The following MYH13 variants were observed in gnomAD, a reference collection of about 807,000 sequenced individuals.
MYH13 encodes myosin-13.
Under a neutral mutation model 232.1 loss-of-function variants are expected in MYH13, and 177 were observed. That is an observed-to-expected ratio of 0.76 (90% confidence interval 0.67 to 0.86). The LOEUF is 0.86. Among genes scored for constraint, MYH13 ranks in the 40% least tolerant of loss-of-function variants. MYH13 has a pLI of 0.00. For missense variants in MYH13, 2,246 were observed against 2,405.9 expected, an observed-to-expected ratio of 0.93 and a Z score of 1.39; for synonymous variants, 884 against 923.5, an observed-to-expected ratio of 0.96 and a Z score of 0.78.
At chr17:10,319,230 C>T in intron 26 of MYH13, 51 bp from the exon 27 acceptor site, 1 of 1,559,648 alleles carries the variant, frequency 6.4e-7, no homozygotes, top group Non-Finnish European at 8.7e-7. Context: ...GGGGCAGCCC[C>T]CTTTGAGAGG....
rs772695132 is a variant in MYH13 at position 10,360,160 on chromosome 17, C to A, written c.533+1G>T. ...TGATGGTACAAAGAGGTGTTACTCA[C>A]GTGATGAGGATAGACTGGTTGTCTC... is the stretch of plus-strand genomic sequence containing the variant. On this transcript the variant is annotated splice_donor_variant, in intron 6 of 40. Coordinates refer to ENST00000252172, the MANE Select transcript of MYH13 (RefSeq NM_003802.3). LOFTEE classifies it high-confidence loss of function. 4 of 1,613,896 alleles carry A rather than the reference C, an allele frequency of 2.5e-6. No homozygotes were observed. In the South Asian group the frequency reaches 3.3e-5, roughly 13 times the overall value.
At chr17:10,333,296 G>T in intron 18 of MYH13, 105 bp from the exon 19 acceptor site, 1 of 796,726 alleles carries the variant, frequency 1.3e-6, no homozygotes, top group Non-Finnish European at 2.1e-6. Context: ...GAGTGGGAGA[G>T]TCAGTGAGTG....
intron 35 of MYH13, among the ~76,000 whole-genome samples, chr17:10,307,739 T>C (rs910301604): frequency 2.0e-5 from 3 of 152,208 alleles, no homozygotes; most frequent in Admixed American, 1.3e-4. Flanking sequence ...GAAATAAAAA[T>C]TGGGACAACC....
chr17:10,343,709 A>G lies in MYH13; in HGVS notation c.1894+91T>C. 4 of 1,340,306 alleles carry G rather than the reference A, an allele frequency of 3.0e-6. 1 individual carries two copies. Among genetic ancestry groups the G allele is most frequent in the South Asian group, 3.1e-5 (2 of 64,540 alleles). The allele number at this position is 1,340,306 out of a possible 1,614,324, so 83.0% of individuals were successfully genotyped here. The stretch of plus-strand genomic sequence containing the variant: ...GAAACATCATACTCAGCTGAAGCTC[A>G]TGTCTGATTACTGGTTCTTCACAAG... On this transcript the variant is annotated intron_variant, in intron 16 of 40. Transcript: ENST00000252172.
intron 29 of MYH13, 105 bp downstream of exon 29, chr17:10,315,588 C>T: frequency 9.8e-7 from 1 of 1,016,820 alleles, no homozygotes; most frequent in Non-Finnish European, 1.5e-6. Flanking sequence ...GTCACCGTGC[C>T]CAGCTGCAGC....
rs551148192 is a variant in MYH13, at chr17:10,359,625, G to A, written c.645+335C>T. The stretch of plus-strand genomic sequence containing the variant: ...CTTGCTTAGAAGTTCAGGAGGCCCG[G>A]ACTGGTCCCTGGTATCCAAAGTGGG... On this transcript the variant is annotated intron_variant, in intron 7 of 40. Transcript: ENST00000252172. Among the ~76,000 whole-genome samples the A allele has an allele frequency of 1.2e-4, 19 of 152,294 alleles. 1 individual carries two copies. The South Asian group carries it at 3.7e-3, about 30-fold the overall frequency.
chr17:10,321,217 T>C (rs1367007164), intron 24 of MYH13, among the ~76,000 whole-genome samples: 1 of 152,192 alleles, frequency 6.6e-6, no homozygotes, highest in Non-Finnish European at 1.5e-5. Context: ...CTAATAATAA[T>C]GATGATGGTG....
At chr17:10,332,031 C>T (rs1907422412) in intron 20 of MYH13, 68 bp downstream of exon 20, 5 of 1,579,988 alleles carry the variant, frequency 3.2e-6, no homozygotes, top group South Asian at 1.1e-5. Context: ...GACCCTTTTT[C>T]TGATCAGCTA....
At position 10,323,787 on chromosome 17, in the gene MYH13, A is replaced by AG. The variant is rs1305383879; in HGVS notation, c.2934+234_2934+235insC. Among the ~76,000 whole-genome samples the AG allele has an allele frequency of 3.1e-3, 204 of 66,712 alleles. 1 individual carries two copies. Among genetic ancestry groups the AG allele is most frequent in the African/African-American group, 0.012 (190 of 15,908 alleles). 43.8% of individuals were successfully genotyped at this position (66,712 alleles called of 152,430 possible). On this transcript the variant is annotated intron_variant, in intron 23 of 40. Transcript: ENST00000252172. ...CACAAAAAAAAAAAAAAAAAAAAAAAAAGAAGAAGAAGAAGAAGAAGAAGA... is the reference window on the plus strand; with the variant it reads ...CACAAAAAAAAAAAAAAAAAAAAAAAGAAGAAGAAGAAGAAGAAGAAGAAGA...
At chr17:10,331,231 G>C (rs1199376134) in intron 20 of MYH13, among the ~76,000 whole-genome samples, 1 of 152,046 alleles carries the variant, frequency 6.6e-6, no homozygotes, top group East Asian at 1.9e-4. Context: ...GGGAAGGTTG[G>C]TCCCATGCTC....
At chr17:10,321,835 T>C (rs1008477407) in intron 23 of MYH13, 127 bp from the exon 24 acceptor site, 7 of 774,194 alleles carry the variant, frequency 9.0e-6, no homozygotes, top group Non-Finnish European at 1.4e-5. Context: ...CTTTTTTACC[T>C]CCTAGAATTG....
rs569313917 is a variant in MYH13, at chr17:10,317,079, T to C, written c.3739-1054A>G. Reference sequence around the variant, plus strand: ...GCGTTAAGAGACATGACGTGCTGCTTCCCCTGGATGTTAAAATTGAGAACA... The same window carrying C: ...GCGTTAAGAGACATGACGTGCTGCTCCCCCTGGATGTTAAAATTGAGAACA... On this transcript the variant is annotated intron_variant, in intron 27 of 40. Transcript: ENST00000252172. Among the ~76,000 whole-genome samples, 7 of 152,178 alleles carry C rather than the reference T, an allele frequency of 4.6e-5. No homozygotes were observed. In the East Asian group the frequency reaches 1.2e-3, roughly 25 times the overall value.
intron 2 of MYH13, among the ~76,000 whole-genome samples, chr17:10,366,607 C>T (rs568388592): frequency 3.9e-5 from 6 of 152,236 alleles, no homozygotes; most frequent in East Asian, 1.9e-4. Context: ...TCTTGAACTC[C>T]TGACCTCAGG....
At chr17:10,311,877 G>C (rs1376971869) in intron 32 of MYH13, 34 bp downstream of exon 32, 7 of 1,612,446 alleles carry the variant, frequency 4.3e-6, no homozygotes, top group Admixed American at 3.3e-5. Context: ...AGGAGAGGGG[G>C]ACATAGCACA....
At chr17:10,315,119 C>G (rs752606795) in intron 29 of MYH13, among the ~76,000 whole-genome samples, 3 of 152,074 alleles carry the variant, frequency 2.0e-5, no homozygotes, top group Non-Finnish European at 4.4e-5. Context: ...GAGGAGGTGC[C>G]CTGGCTGGAA....
intron 3 of MYH13, 90 bp downstream of exon 3, chr17:10,364,237 C>T (rs2071815247): frequency 7.5e-7 from 1 of 1,339,082 alleles, no homozygotes; most frequent in Non-Finnish European, 1.0e-6. Flanking sequence ...TCTTCAGATT[C>T]CGAAGGACCA....
chr17:10,340,343 C>A lies in MYH13; in HGVS notation c.1953G>T (p.Val651=). The A allele has an allele frequency of 6.2e-7, 1 of 1,613,962 alleles. No individual in the cohort carries two copies. Residue 651 remains valine (V), a synonymous_variant, in exon 17 of 41, where the codon GTG becomes GTT. Coordinates refer to ENST00000252172, the MANE Select transcript of MYH13 (RefSeq NM_003802.3). ...AAACACCAACCCTGAACACGGCCGA[C>A]ACGGTCTGGAAAGAGGAGCCCTTCT... ...GKKKGSSFQT[V]SAVFRENLNK... is the part of the protein sequence containing the mutation.
rs1907270145 is a variant in MYH13, at chr17:10,327,900, T to G, written c.2657A>C (p.Gln886Pro). The G allele has an allele frequency of 5.0e-6, 8 of 1,613,588 alleles. No individual in the cohort carries two copies. The East Asian group carries it at 1.8e-4, about 36-fold the overall frequency. Reference protein sequence around the residue: ...ELEEKMVSLLQEKNDLQLQVQ... With the variant: ...ELEEKMVSLLPEKNDLQLQVQ... ...CTGCAATTGGAGGTCATTCTTCTCC[T>G]GCAGGAGGGAGACCATTTTCTCCTC... Residue 886 changes from glutamine (Q) to proline (P), a missense_variant, in exon 22 of 41, where the codon CAG becomes CCG. By Grantham distance (76) the Gln-to-Pro change is moderately conservative. Transcript: ENST00000252172.
In MYH13 at chr17:10,303,290, G is replaced by C. The variant is rs761201873; in HGVS notation, c.5573C>G (p.Ala1858Gly). Residue 1858 changes from alanine to glycine, a missense_variant and splice_region_variant, in exon 39 of 41, where the codon GCT becomes GGT. Coordinates refer to ENST00000252172, the MANE Select transcript of MYH13 (RefSeq NM_003802.3). ...AAGGATATTCTTGTGGTCCTCCTCA[G>C]CCTGCAAACAGAGTACACGTGGCAG... The part of the protein sequence containing the change: ...ERKVKEMTYQ[A>G]EEDHKNILRL... The C allele has an allele frequency of 2.2e-5, 36 of 1,614,090 alleles. No homozygotes were observed. The highest frequency in any genetic ancestry group is 3.0e-5 in the Non-Finnish European group (35 of 1,179,998).
Sources: allele counts gnomAD v4.1 joint callset (sites outside exome capture counted in the v4.1 genomes callset), GRCh38; gene constraint gnomAD v4.1.1; transcripts MANE v1.5; gene names NCBI Gene and HGNC (gene_info 2026-07-23, HGNC 2026-07-21).